Variants in PKIB observed in about 807,000 individuals in gnomAD.
PKIB encodes cAMP-dependent protein kinase inhibitor beta.
PKIB carries 2 observed loss-of-function variants against 4.5 expected under a neutral mutation model. The observed-to-expected ratio is 0.44, with a 90% confidence interval of 0.18 to 1.39. The LOEUF (loss-of-function observed/expected upper bound fraction) is 1.39, where lower values mean the gene tolerates loss of function less well. Among genes scored for constraint, PKIB ranks in the 40% most tolerant of loss-of-function variants. The pLI is 0.27. For synonymous variants in PKIB, 38 were observed against 36.0 expected, an observed-to-expected ratio of 1.06 and a Z score of -0.20; for missense variants, 94 against 92.6, an observed-to-expected ratio of 1.02 and a Z score of -0.06.
At chr6:122,655,757 A>G (rs1776753545) in intron 2 of PKIB, among the ~76,000 whole-genome samples, 1 of 152,220 alleles carries the variant, frequency 6.6e-6, no homozygotes, top group African/African-American at 2.4e-5. Flanking sequence ...TAATGCTCAT[A>G]AAAACAACTT....
intron 2 of PKIB, among the ~76,000 whole-genome samples, chr6:122,501,677 C>G (rs1351568905): frequency 6.6e-6 from 1 of 152,262 alleles, no homozygotes; most frequent in East Asian, 1.9e-4. Context: ...TTTTTCCCTC[C>G]TAGACCTCCA....
intron 3 of PKIB, among the ~76,000 whole-genome samples, chr6:122,697,549 G>C (rs1778625877): frequency 6.6e-6 from 1 of 152,010 alleles, no homozygotes; most frequent in Non-Finnish European, 1.5e-5. Flanking sequence ...GCAATTGAGA[G>C]ACCTGTGTGA....
intron 2 of PKIB, among the ~76,000 whole-genome samples, chr6:122,558,294 C>T (rs560477947): frequency 6.6e-6 from 1 of 152,272 alleles, no homozygotes; most frequent in Admixed American, 6.5e-5. Flanking sequence ...CAGTTCCAGG[C>T]TTATATTCTA....
In PKIB at chr6:122,561,236, G is replaced by A. The variant is rs182220227; in HGVS notation, c.-247-24685G>A. On this transcript the variant is annotated intron_variant, in intron 2 of 6. Coordinates refer to the PKIB transcript ENST00000392491. ...TGTATCCCAGAGGTTTTGATAGGTC[G>A]TGTCATTATTGCCGTTCAGTTTGAA... is the stretch of plus-strand genomic sequence containing the variant. 4.9e-3 allele frequency among the ~76,000 whole-genome samples: 748 copies of A among 151,980 alleles called. 6 individuals are homozygous for A. Among genetic ancestry groups the A allele is most frequent in the African/African-American group, 0.017 (685 of 41,460 alleles).
intron 4 of PKIB, among the ~76,000 whole-genome samples, chr6:122,723,020 C>A (rs79257731): frequency 0.021 from 3,132 of 152,262 alleles, 103 homozygotes; most frequent in African/African-American, 0.073. Context: ...TGTAACGTTT[C>A]TCTTCCCTTG....
At chr6:122,516,006 C>A (rs1776739163) in intron 2 of PKIB, among the ~76,000 whole-genome samples, 2 of 152,132 alleles carry the variant, frequency 1.3e-5, no homozygotes, top group South Asian at 4.1e-4. Flanking sequence ...AACCACCACG[C>A]CCGGCCTCTT....
intron 2 of PKIB, among the ~76,000 whole-genome samples, chr6:122,639,423 C>T (rs1776044723): frequency 6.6e-6 from 1 of 152,184 alleles, no homozygotes; most frequent in African/African-American, 2.4e-5. Flanking sequence ...CTCATTTTCT[C>T]AATTCTTCAT....
At chr6:122,575,605 A>G (rs114478559) in intron 2 of PKIB, among the ~76,000 whole-genome samples, 1 of 152,366 alleles carries the variant, frequency 6.6e-6, no homozygotes, top group African/African-American at 2.4e-5. Flanking sequence ...GAATGAAATA[A>G]TGACTTTTGC....
Position 122,591,886 on chromosome 6 carries a change from G to GT in PKIB, c.-161+5895dup, listed in dbSNP as rs34795750. Among the ~76,000 whole-genome samples, 350 of 142,726 alleles carry GT rather than the reference G, an allele frequency of 2.5e-3. 3 individuals carry two copies. The highest frequency in any genetic ancestry group is 7.8e-3 in the African/African-American group (302 of 38,914). 93.6% of individuals were successfully genotyped at this position (142,726 alleles called of 152,430 possible). A position where few individuals can be genotyped will look rare whatever the true frequency, so the allele number is the denominator to read the frequency against. On this transcript the variant is annotated intron_variant, in intron 3 of 6. Transcript: ENST00000392491. ...ATGAGTGTGTCACTGTGCCTGGCTA[G>GT]TTTTTTTTTTTTTTTTAATCATCCA... is the stretch of plus-strand genomic sequence containing the variant.
chr6:122,547,192 G>T (rs1384594935), intron 2 of PKIB, among the ~76,000 whole-genome samples: 3 of 152,066 alleles, frequency 2.0e-5, no homozygotes, highest in African/African-American at 7.3e-5. Flanking sequence ...GAAACAAGGT[G>T]TCACGCCCAG....
intron 2 of PKIB, among the ~76,000 whole-genome samples, chr6:122,485,423 T>G (rs1285176976): frequency 1.3e-5 from 2 of 152,140 alleles, no homozygotes; most frequent in African/African-American, 4.8e-5. Context: ...TTTTGAAGGT[T>G]TAGGTTAAAA....
At chr6:122,706,404 G>C (rs987424876) in intron 3 of PKIB, among the ~76,000 whole-genome samples, 8 of 152,238 alleles carry the variant, frequency 5.3e-5, no homozygotes, top group Admixed American at 2.6e-4. Flanking sequence ...TGTCCCCACT[G>C]TTTCTATCAC....
chr6:122,565,818 G>T (rs1286377551), intron 2 of PKIB, among the ~76,000 whole-genome samples: 1 of 152,192 alleles, frequency 6.6e-6, no homozygotes, highest in Non-Finnish European at 1.5e-5. Context: ...AAAAAGGTAT[G>T]AATTGGTTCA....
At chr6:122,599,031 C>T (rs1774270026) in intron 3 of PKIB, among the ~76,000 whole-genome samples, 1 of 152,180 alleles carries the variant, frequency 6.6e-6, no homozygotes. Flanking sequence ...GTCACATTCT[C>T]AACCTCACCT....
chr6:122,620,209 C>T (rs9385262), intron 1 of PKIB, among the ~76,000 whole-genome samples: 16,366 of 152,176 alleles, frequency 0.11, 933 homozygotes, highest in East Asian at 0.14. Context: ...CAAACCCCTC[C>T]TGTTCTGAAC....
intron 2 of PKIB, among the ~76,000 whole-genome samples, chr6:122,667,333 C>T (rs1198317167): frequency 6.6e-6 from 1 of 152,084 alleles, no homozygotes; most frequent in Non-Finnish European, 1.5e-5. Context: ...CCGAGGAGAT[C>T]GAGACCATCC....
At chr6:122,637,774 A>G (rs1333025299) in intron 2 of PKIB, among the ~76,000 whole-genome samples, 2 of 151,634 alleles carry the variant, frequency 1.3e-5, no homozygotes, top group African/African-American at 2.4e-5. Flanking sequence ...AAAAATCATA[A>G]TAATTAATAA....
At chr6:122,544,880 T>A (rs1211125684) in intron 2 of PKIB, among the ~76,000 whole-genome samples, 1 of 152,002 alleles carries the variant, frequency 6.6e-6, no homozygotes. Context: ...CAAACAAGCA[T>A]TTGAAAAATA....
chr6:122,719,538 G>A (rs1016866477), intron 4 of PKIB, among the ~76,000 whole-genome samples: 1 of 152,162 alleles, frequency 6.6e-6, no homozygotes, highest in Non-Finnish European at 1.5e-5. Flanking sequence ...TCAGAGAGTA[G>A]AATGGTAGCT....
Sources: gnomAD v4.1 joint callset for allele counts (sites outside exome capture counted in the v4.1 genomes callset) on GRCh38, gnomAD v4.1.1 for gene constraint, MANE v1.5 for transcripts, NCBI Gene and HGNC (gene_info 2026-07-23, HGNC 2026-07-21) for gene names.